Variants in ANKRD13C observed in about 807,000 individuals in gnomAD.
The protein encoded by ANKRD13C is ankyrin repeat domain 13C.
In ANKRD13C, 16 loss-of-function variants were observed where a neutral mutation model predicts 65.5. The observed-to-expected ratio is 0.24, with a 90% CI of 0.17 to 0.37. The LOEUF is 0.37. Among genes scored for constraint, ANKRD13C ranks in the 10% least tolerant of loss-of-function variants. The probability of loss-of-function intolerance (pLI) is 1.00; values close to 1 mark genes in which losing one functional copy is unlikely to be tolerated. For synonymous variants in ANKRD13C, 235 were observed against 238.7 expected (o/e 0.98, Z 0.14); for missense variants, 503 against 655.9 (o/e 0.77, Z 2.55).
At position 70,261,174 on chromosome 1, in the gene ANKRD13C, TTTC is replaced by T. The variant is rs1678376565; in HGVS notation, c.*1540_*1542del. 2 of 152,260 alleles carry T rather than the reference TTTC, an allele frequency of 1.3e-5. No homozygotes were observed. The highest frequency in any genetic ancestry group is 2.1e-4 in the South Asian group (1 of 4,832). 9.4% of individuals were successfully genotyped at this position (152,260 alleles called of 1,614,324 possible). ...CTTTCAATTTTTTACTATGATTATTTTTCTTCATTATAAAATGTATTTAATGTC... is the reference window on the plus strand; with the variant it reads ...CTTTCAATTTTTTACTATGATTATTTTTCATTATAAAATGTATTTAATGTC... On this transcript the variant is annotated 3_prime_UTR_variant, in exon 13 of 13. Coordinates refer to ENST00000370944, the MANE Select transcript of ANKRD13C (RefSeq NM_030816.5).
At chr1:70,301,868 T>TA (rs1244264080) in intron 6 of ANKRD13C, among the ~76,000 whole-genome samples, 6 of 152,248 alleles carry the variant, frequency 3.9e-5, no homozygotes, top group African/African-American at 1.4e-4. Context: ...TCACCCCAGC[T>TA]AATGGCTGCT....
Position 70,296,121 on chromosome 1 carries a change from T to G in ANKRD13C, c.1053+9A>C. ...TGCTTAAAGTTTAAAAATCTAGATT[T>G]GCACATACTGTTTTATCTTCCCGAA... On this transcript the variant is annotated intron_variant, in intron 8 of 12. Transcript: ENST00000370944. 1 of 1,610,664 alleles carries G rather than the reference T, an allele frequency of 6.2e-7. No homozygotes were observed. Among genetic ancestry groups the G allele is most frequent in the South Asian group, 1.1e-5 (1 of 89,788 alleles).
chr1:70,308,437 A>G (rs1434322455), intron 5 of ANKRD13C, among the ~76,000 whole-genome samples: 1 of 144,704 alleles, frequency 6.9e-6, no homozygotes, highest in African/African-American at 2.5e-5. Context: ...AGCAAAAGCT[A>G]AGAAAAAAAA....
At chr1:70,309,384 T>C (rs907478393) in intron 5 of ANKRD13C, among the ~76,000 whole-genome samples, 1 of 150,024 alleles carries the variant, frequency 6.7e-6, no homozygotes, top group African/African-American at 2.4e-5. Flanking sequence ...ACTCCCCAAT[T>C]TTCAGAAGAG....
Position 70,270,972 on chromosome 1 carries a change from A to C in ANKRD13C, c.1395-16T>G. 2.0e-6 allele frequency: 3 copies of C among 1,533,468 alleles called. No individual in the cohort carries two copies. The highest frequency in any genetic ancestry group is 2.7e-6 in the Non-Finnish European group (3 of 1,111,272). The allele number at this position is 1,533,468 out of a possible 1,614,324, so 95.0% of individuals were successfully genotyped here. On this transcript the variant is annotated splice_polypyrimidine_tract_variant and intron_variant, in intron 11 of 12. Transcript: ENST00000370944. ...ATTCAATAATCTGAAAAATGGAAGA[A>C]GAAAAAAATGTTTTCATTGTTCAAA...
chr1:70,314,915 T>A (rs1424557254), intron 4 of ANKRD13C, among the ~76,000 whole-genome samples: 1 of 151,944 alleles, frequency 6.6e-6, no homozygotes, highest in Non-Finnish European at 1.5e-5. Context: ...CACAAGGAGG[T>A]AGGACAGATA....
At chr1:70,340,867 C>CT (rs1386013388) in intron 1 of ANKRD13C, among the ~76,000 whole-genome samples, 2 of 152,266 alleles carry the variant, frequency 1.3e-5, no homozygotes, top group African/African-American at 4.8e-5. Flanking sequence ...AATCCCAGCA[C>CT]TTTTGGAGGC....
intron 9 of ANKRD13C, among the ~76,000 whole-genome samples, chr1:70,288,852 GTTCTA>G (rs1169051480): frequency 6.6e-6 from 1 of 152,096 alleles, no homozygotes; most frequent in Non-Finnish European, 1.5e-5. Context: ...CCATGATACT[GTTCTA>G]TACCTTGGTA....
intron 12 of ANKRD13C, among the ~76,000 whole-genome samples, chr1:70,264,278 C>A (rs1054156703): frequency 3.2e-4 from 48 of 152,016 alleles, no homozygotes; most frequent in African/African-American, 1.0e-3. Context: ...GAGTTTGAGA[C>A]CAGCCTGGCC....
rs556395294 is a variant in ANKRD13C at position 70,299,759 on chromosome 1, A to T, written c.921+1005T>A. 4.6e-5 allele frequency among the ~76,000 whole-genome samples: 7 copies of T among 152,334 alleles called. No homozygotes were observed. The East Asian group carries it at 1.3e-3, about 29-fold the overall frequency. The stretch of plus-strand genomic sequence containing the variant: ...AAAGTAGCAAGGTTAGTTTTAAATA[A>T]GGTGAATTTTGAGGTACCTGGGAGA... On this transcript the variant is annotated intron_variant, in intron 7 of 12. Transcript: ENST00000370944.
intron 8 of ANKRD13C, 117 bp downstream of exon 8, chr1:70,296,013 G>C: frequency 2.4e-6 from 3 of 1,234,918 alleles, no homozygotes; most frequent in Non-Finnish European, 3.3e-6. Context: ...AAGGAAGAGA[G>C]AAAAAAACTA....
chr1:70,320,332 C>CTT (rs924019944), intron 3 of ANKRD13C, among the ~76,000 whole-genome samples: 1 of 147,398 alleles, frequency 6.8e-6, no homozygotes, highest in African/African-American at 2.5e-5. Context: ...CAGTGGTTGT[C>CTT]TTTTTTTTTT....
chr1:70,279,458 A>G (rs1679285680), intron 9 of ANKRD13C, among the ~76,000 whole-genome samples: 1 of 151,306 alleles, frequency 6.6e-6, no homozygotes, highest in African/African-American at 2.4e-5. Flanking sequence ...TCTTTGTTGA[A>G]GATGCTATAT....
At chr1:70,300,498 G>C (rs1680302162) in intron 7 of ANKRD13C, among the ~76,000 whole-genome samples, 1 of 152,070 alleles carries the variant, frequency 6.6e-6, no homozygotes, top group African/African-American at 2.4e-5. Flanking sequence ...TGAGGCTGAA[G>C]AATTGCTTGA....
At chr1:70,269,113 T>C (rs1223742739) in intron 12 of ANKRD13C, among the ~76,000 whole-genome samples, 1 of 148,400 alleles carries the variant, frequency 6.7e-6, no homozygotes, top group Non-Finnish European at 1.5e-5. Context: ...AAAGAAACGG[T>C]GAAAGAGTAA....
chr1:70,305,482 A>C (rs1680548720), intron 6 of ANKRD13C, among the ~76,000 whole-genome samples: 1 of 152,146 alleles, frequency 6.6e-6, no homozygotes, highest in Admixed American at 6.5e-5. Flanking sequence ...ATATACAGAC[A>C]CACACATACA....
At chr1:70,285,922 C>T (rs116061517) in intron 9 of ANKRD13C, among the ~76,000 whole-genome samples, 2,030 of 152,184 alleles carry the variant, frequency 0.013, 53 homozygotes, top group African/African-American at 0.046. Context: ...TCTTAAAAAG[C>T]TTATTGTGCA....
intron 5 of ANKRD13C, among the ~76,000 whole-genome samples, chr1:70,308,246 T>C (rs1680671087): frequency 6.6e-6 from 1 of 152,062 alleles, no homozygotes; most frequent in South Asian, 2.1e-4. Flanking sequence ...TCCTCCCACC[T>C]CAGCCTCCCA....
At chr1:70,273,429 C>T (rs1262702202) in intron 11 of ANKRD13C, among the ~76,000 whole-genome samples, 1 of 152,152 alleles carries the variant, frequency 6.6e-6, no homozygotes, top group Non-Finnish European at 1.5e-5. Flanking sequence ...TCTCTCATTC[C>T]AGCCATCTCT....
Sources: allele counts gnomAD v4.1 joint callset (sites outside exome capture counted in the v4.1 genomes callset), GRCh38; gene constraint gnomAD v4.1.1; transcripts MANE v1.5; gene names NCBI Gene and HGNC (gene_info 2026-07-23, HGNC 2026-07-21).